The following SNTB1 variants were observed in gnomAD, a reference collection of about 807,000 sequenced individuals.
SNTB1 encodes the protein beta-1-syntrophin.
SNTB1 carries 36 observed loss-of-function variants against 48.9 expected under a neutral mutation model. That is an observed-to-expected ratio of 0.74 (90% CI 0.56 to 0.97). The LOEUF (loss-of-function observed/expected upper bound fraction) is 0.97. Among genes scored for constraint, SNTB1 ranks in the 50% least tolerant of loss-of-function variants. The pLI is 0.00. For missense variants in SNTB1, 786 were observed against 703.4 expected, an observed-to-expected ratio of 1.12 and a Z score of -1.33; for synonymous variants, 299 against 294.6, an observed-to-expected ratio of 1.01 and a Z score of -0.15.
chr8:120,745,431 G>C (rs1179058636), intron 1 of SNTB1, among the ~76,000 whole-genome samples: 1 of 152,040 alleles, frequency 6.6e-6, no homozygotes, highest in Non-Finnish European at 1.5e-5. Flanking sequence ...GCATTCCCCA[G>C]GGGACTTCTG....
At chr8:120,578,816 T>C (rs900072179) in intron 3 of SNTB1, among the ~76,000 whole-genome samples, 11 of 152,196 alleles carry the variant, frequency 7.2e-5, no homozygotes, top group African/African-American at 2.7e-4. Flanking sequence ...TCTGGGTCAG[T>C]GGCTTCCAAA....
intron 4 of SNTB1, among the ~76,000 whole-genome samples, 187 bp from the exon 5 acceptor site, chr8:120,549,145 G>A (rs1586989102): frequency 6.6e-6 from 1 of 152,078 alleles, no homozygotes; most frequent in East Asian, 1.9e-4. Flanking sequence ...CCAAGAGCTG[G>A]GCATCTGGAC....
At chr8:120,574,845 C>T (rs1019184389) in intron 4 of SNTB1, among the ~76,000 whole-genome samples, 3 of 152,118 alleles carry the variant, frequency 2.0e-5, no homozygotes, top group Non-Finnish European at 2.9e-5. Context: ...AGGACCATCT[C>T]GCAGATGTCA....
intron 2 of SNTB1, among the ~76,000 whole-genome samples, chr8:120,647,424 C>T (rs1234102697): frequency 6.7e-6 from 1 of 148,774 alleles, no homozygotes; most frequent in Non-Finnish European, 1.5e-5. Flanking sequence ...TCGTTATGTA[C>T]CCAGTAGTCA....
chr8:120,765,016 A>C (rs536341621), intron 1 of SNTB1, among the ~76,000 whole-genome samples: 2 of 152,254 alleles, frequency 1.3e-5, no homozygotes, highest in South Asian at 4.1e-4. Context: ...ACCTGAGGTC[A>C]GGAGTTTGAG....
intron 3 of SNTB1, among the ~76,000 whole-genome samples, chr8:120,624,661 A>G (rs1053240917): frequency 2.0e-5 from 3 of 152,162 alleles, no homozygotes; most frequent in Admixed American, 1.3e-4. Flanking sequence ...CCATCCCAAT[A>G]GTCCCAGAGT....
intron 1 of SNTB1, among the ~76,000 whole-genome samples, chr8:120,696,627 T>C (rs944577770): frequency 6.6e-6 from 1 of 152,196 alleles, no homozygotes; most frequent in Non-Finnish European, 1.5e-5. Flanking sequence ...AAGAAAAATA[T>C]TGCTATCTCT....
chr8:120,811,197 G>C, intron 1 of SNTB1, 76 bp downstream of exon 1: 1 of 1,516,930 alleles, frequency 6.6e-7, no homozygotes, highest in Non-Finnish European at 8.8e-7. Flanking sequence ...GAGTGAGTGT[G>C]AGTGTGAGCG....
intron 1 of SNTB1, among the ~76,000 whole-genome samples, chr8:120,752,791 TA>T (rs1563590206): frequency 6.6e-6 from 1 of 151,484 alleles, no homozygotes; most frequent in African/African-American, 2.4e-5. Flanking sequence ...TGGACATAAG[TA>T]AAGGAACAAT....
At chr8:120,699,047 G>C (rs1320265351) in intron 1 of SNTB1, among the ~76,000 whole-genome samples, 1 of 152,214 alleles carries the variant, frequency 6.6e-6, no homozygotes, top group Admixed American at 6.5e-5. Context: ...TGCTAGGGCA[G>C]CTCTGCTCCC....
chr8:120,609,680 A>C (rs1471389833), intron 3 of SNTB1, among the ~76,000 whole-genome samples: 1 of 152,242 alleles, frequency 6.6e-6, no homozygotes, highest in African/African-American at 2.4e-5. Flanking sequence ...AAGAAAATTA[A>C]CATTTTAAAA....
intron 4 of SNTB1, among the ~76,000 whole-genome samples, chr8:120,568,800 T>C (rs1815795019): frequency 6.6e-6 from 1 of 152,190 alleles, no homozygotes; most frequent in East Asian, 1.9e-4. Flanking sequence ...ACAGGCCTAA[T>C]TGTATCATTC....
chr8:120,686,779 T>A (rs1818042290), intron 2 of SNTB1, among the ~76,000 whole-genome samples: 1 of 152,204 alleles, frequency 6.6e-6, no homozygotes, highest in Admixed American at 6.5e-5. Context: ...TCTGGACCTG[T>A]TTTTACATAT....
intron 5 of SNTB1, among the ~76,000 whole-genome samples, chr8:120,543,782 C>T (rs1419441513): frequency 6.6e-6 from 1 of 152,174 alleles, no homozygotes; most frequent in African/African-American, 2.4e-5. Flanking sequence ...TCCAGACTGA[C>T]TTGCAGATAT....
rs1816061822 is a variant in SNTB1, at chr8:120,582,349, G to A, written c.997-7124C>T. Among the ~76,000 whole-genome samples, 6 of 151,990 alleles carry A rather than the reference G, an allele frequency of 3.9e-5. No homozygotes were observed. The South Asian group carries it at 1.2e-3, about 32-fold the overall frequency. On this transcript the variant is annotated intron_variant, in intron 3 of 6. Transcript: ENST00000517992. ...AAAGAAGAAAGGATTCAAGTCAATG[G>A]TCTCAGCTTTCACCTTAACAAACTA...
At chr8:120,741,438 G>A (rs1317346035) in intron 1 of SNTB1, among the ~76,000 whole-genome samples, 2 of 152,152 alleles carry the variant, frequency 1.3e-5, no homozygotes, top group Non-Finnish European at 2.9e-5. Context: ...GCAAAATGCT[G>A]TCTCTACTAA....
chr8:120,700,119 A>T (rs1188812811), intron 1 of SNTB1, among the ~76,000 whole-genome samples: 1 of 152,004 alleles, frequency 6.6e-6, no homozygotes, highest in Admixed American at 6.6e-5. Flanking sequence ...AGGTTCAACC[A>T]GGAAGCAATA....
At chr8:120,718,733 C>G (rs1473607772) in intron 1 of SNTB1, among the ~76,000 whole-genome samples, 2 of 151,954 alleles carry the variant, frequency 1.3e-5, no homozygotes, top group African/African-American at 4.8e-5. Context: ...AGGTACTTTG[C>G]TGCTACTGAA....
intron 1 of SNTB1, among the ~76,000 whole-genome samples, chr8:120,786,563 G>A (rs1017312068): frequency 1.3e-5 from 2 of 152,040 alleles, no homozygotes; most frequent in African/African-American, 4.8e-5. Flanking sequence ...CCCTGTAGGA[G>A]GAGTACCCTC....
Sources: allele counts gnomAD v4.1 joint callset (sites outside exome capture counted in the v4.1 genomes callset), GRCh38; gene constraint gnomAD v4.1.1; transcripts MANE v1.5; gene names NCBI Gene and HGNC (gene_info 2026-07-23, HGNC 2026-07-21).